PLEC: variants seen among roughly 807,000 people sequenced by gnomAD.
PLEC encodes hemidesmosomal protein 1.
A neutral mutation model predicts 392.8 loss-of-function variants in PLEC; 216 were observed. That is an observed-to-expected ratio of 0.55 (90% CI 0.49 to 0.62). PLEC has a LOEUF of 0.62. Ranked by LOEUF, PLEC falls within the 20% of genes least tolerant of loss-of-function variation. PLEC has a pLI of 0.00. For synonymous variants in PLEC, 3,621 were observed against 2,980.6 expected (o/e 1.21, Z -7.00); for missense variants, 6,863 against 6,563.4 (o/e 1.05, Z -1.58).
chr8:143,964,597 G>A (rs1371880545), intron 1 of PLEC, among the ~76,000 whole-genome samples: 1 of 152,174 alleles, frequency 6.6e-6, no homozygotes, highest in Non-Finnish European at 1.5e-5. Flanking sequence ...GTGGCCTCCA[G>A]AACCGTAAGA....
chr8:143,948,504 C>T (rs1203959535), intron 1 of PLEC, among the ~76,000 whole-genome samples: 1 of 152,374 alleles, frequency 6.6e-6, no homozygotes, highest in East Asian at 1.9e-4. Context: ...CTTCCCCTAG[C>T]TTCCCATCCC....
rs1554673899 is a variant in PLEC at position 143,918,082 on chromosome 8, C to T, written c.11739G>A (p.Glu3913=). 3 of 1,597,120 alleles carry T rather than the reference C, an allele frequency of 1.9e-6. No homozygotes were observed. The East Asian group carries it at 6.8e-5, about 36-fold the overall frequency. ...TGACCTCCTCGATGGAGGTCAGGCCCTCCCGCAGCTGCAGCGCCGTGGCCT... is the reference window on the plus strand; with the variant it reads ...TGACCTCCTCGATGGAGGTCAGGCCTTCCCGCAGCTGCAGCGCCGTGGCCT... ...MDEATALQLR[E]GLTSIEEVTK... The change falls in exon 32 of 32, where the codon GAG becomes GAA. Residue 3913 remains glutamate (E), a synonymous_variant. Transcript: ENST00000345136.
chr8:143,930,481 C>G lies in PLEC; in HGVS notation c.2360G>C (p.Arg787Pro), dbSNP rs1319068044. The G allele has an allele frequency of 6.3e-7, 1 of 1,593,828 alleles. No individual in the cohort carries two copies. The highest frequency in any genetic ancestry group is 8.5e-7 in the Non-Finnish European group (1 of 1,170,772). The change falls in exon 20 of 32, where the codon CGG (arginine) becomes CCG (proline). Residue 787 changes from arginine to proline, a missense_variant. Arg to Pro is a moderately radical substitution (Grantham distance 103). Coordinates refer to ENST00000345136, the MANE Select transcript of PLEC (RefSeq NM_201384.3). Reference sequence around the variant, plus strand: ...CTTCAGCTGCACGACGGCCTTGGCCCGCTTGGCCAGGCCTGAGAGGTGGCC... The same window carrying G: ...CTTCAGCTGCACGACGGCCTTGGCCGGCTTGGCCAGGCCTGAGAGGTGGCC... ...YKGHLSGLAK[R>P]AKAVVQLKPR...
chr8:143,932,996 G>A lies in PLEC; in HGVS notation c.1534C>T (p.Gln512Ter), dbSNP rs1554718597. ...QVAQVTLQSV[Q>*]RRPELEDSTL... ...GAGTCCTCCAGCTCGGGGCGCCTCT[G>A]CACACTCTGCAGAGTCACCTGGGCC... The change falls in exon 14 of 32, where the codon CAG (glutamine) becomes TAG (stop). Residue 512 changes from glutamine (Q) to a stop codon, truncating the protein, a stop_gained. Transcript: ENST00000345136. LOFTEE classifies it high-confidence loss of function. 2 of 1,608,906 alleles carry A rather than the reference G, an allele frequency of 1.2e-6. No individual in the cohort carries two copies. The highest frequency in any genetic ancestry group is 3.4e-5 in the Admixed American group (2 of 59,630).
intron 1 of PLEC, among the ~76,000 whole-genome samples, chr8:143,972,799 G>A (rs778169506): frequency 1.1e-4 from 16 of 152,340 alleles, no homozygotes; most frequent in Non-Finnish European, 2.4e-4. Context: ...ACTAGGGCAA[G>A]GGGGTCTGCC....
upstream of PLEC, among the ~76,000 whole-genome samples, chr8:143,940,792 C>CGAGAG: frequency 1.3e-5 from 2 of 152,310 alleles, no homozygotes; most frequent in South Asian, 4.1e-4. Context: ...GTGCCCAAAC[C>CGAGAG]CCTCAGAGGT....
At chr8:143,972,637 C>CGACT (rs1554744671) in intron 1 of PLEC, among the ~76,000 whole-genome samples, 1 of 152,248 alleles carries the variant, frequency 6.6e-6, no homozygotes, top group African/African-American at 2.4e-5. Flanking sequence ...GCAGCTCAGT[C>CGACT]CCTTGCTCCT....
At position 143,935,100 on chromosome 8, in the gene PLEC, G is replaced by A; in HGVS notation, c.736C>T (p.Pro246Ser). ...LDPEDVDVPQ[P>S]DEKSIITYVS... ...TAGGTGATGATGGACTTCTCGTCGG[G>A]CTGAGGGACATCCACGTCTGCAGGG... Residue 246 changes from proline (P) to serine (S), a missense_variant, in exon 8 of 32, where the codon CCC becomes TCC. Pro to Ser is a moderately conservative substitution (Grantham distance 74). Coordinates refer to ENST00000345136, the MANE Select transcript of PLEC (RefSeq NM_201384.3). The A allele has an allele frequency of 1.9e-6, 3 of 1,612,974 alleles. No homozygotes were observed. Among genetic ancestry groups the A allele is most frequent in the Non-Finnish European group, 2.5e-6 (3 of 1,179,942 alleles).
Position 143,925,007 on chromosome 8 carries a change from GCCT to G in PLEC, c.4919_4921del (p.Glu1640del). On this transcript the variant is annotated inframe_deletion, in exon 31 of 32. Coordinates refer to ENST00000345136, the MANE Select transcript of PLEC (RefSeq NM_201384.3). ...CTCCGCCTGCAGCCGCAGCCGTAGC[GCCT>G]CGTTGGCCTTGAGCTGCCAGCGCTC... The G allele has an allele frequency of 1.3e-6, 2 of 1,570,910 alleles. No individual in the cohort carries two copies. Among genetic ancestry groups the G allele is most frequent in the Non-Finnish European group, 8.6e-7 (1 of 1,167,164 alleles).
intron 1 of PLEC, chr8:143,946,417 C>A (rs1554732250): frequency 7.8e-7 from 1 of 1,286,348 alleles, no homozygotes; most frequent in Non-Finnish European, 1.0e-6. Flanking sequence ...CCAGGCTGCT[C>A]CGAGAGCCGG....
chr8:143,941,404 C>A (rs553966394), upstream of PLEC, among the ~76,000 whole-genome samples: 1 of 151,904 alleles, frequency 6.6e-6, no homozygotes, highest in African/African-American at 2.4e-5. Flanking sequence ...CCAAAGATGC[C>A]GCCCTGGGCC....
chr8:143,970,362 G>T (rs1439331349), intron 1 of PLEC, among the ~76,000 whole-genome samples: 6 of 152,006 alleles, frequency 3.9e-5, no homozygotes, highest in African/African-American at 1.5e-4. Flanking sequence ...TCACACCTCT[G>T]GGTTCAGGCT....
intron 1 of PLEC, among the ~76,000 whole-genome samples, chr8:143,946,129 C>T (rs1554732057): frequency 6.6e-6 from 1 of 152,222 alleles, no homozygotes; most frequent in Non-Finnish European, 1.5e-5. Flanking sequence ...AGGCTGGCAG[C>T]GGGCAGTTCT....
In PLEC at chr8:143,934,688, G is replaced by A; in HGVS notation, c.988C>T (p.Pro330Ser). The A allele has an allele frequency of 1.2e-6, 2 of 1,612,988 alleles. No individual in the cohort carries two copies. Among genetic ancestry groups the A allele is most frequent in the South Asian group, 1.1e-5 (1 of 91,088 alleles). Residue 330 changes from proline (P) to serine (S), a missense_variant, in exon 10 of 32, where the codon CCA (proline) becomes TCA (serine). By Grantham distance (74) the Pro-to-Ser change is moderately conservative. Transcript: ENST00000345136. ...CTGTTCTTGTCGGCCTCCTTGGCTG[G>A]TAGCTCCATCTCCTTAAACTTCAGG... ...QFLKFKEMEL[P>S]AKEADKNRSK... is the part of the protein sequence containing the mutation.
Position 143,922,091 on chromosome 8 carries a change from T to C in PLEC, c.7730A>G (p.Glu2577Gly), listed in dbSNP as rs549616678. ...RRKQEELQQL[E>G]QQRRQQEELL... is the part of the protein sequence containing the mutation. The stretch of plus-strand genomic sequence containing the variant: ...CTCCTCCTGCTGCCGCCGCTGCTGC[T>C]CCAGCTGCTGCAGCTCCTCCTGCTT... Residue 2577 changes from glutamate to glycine, a missense_variant, in exon 32 of 32, where the codon GAG (glutamate) becomes GGG (glycine). Physicochemically the swap from Glu to Gly is moderately conservative, Grantham distance 98. Transcript: ENST00000345136. 29 of 1,568,868 alleles carry C rather than the reference T, an allele frequency of 1.8e-5. No individual in the cohort carries two copies. In the African/African-American group the frequency reaches 3.4e-4, roughly 18 times the overall value.
At chr8:143,956,253 GA>G (rs1481677858), upstream of PLEC, among the ~76,000 whole-genome samples, 5 of 152,148 alleles carry the variant, frequency 3.3e-5, no homozygotes, top group African/African-American at 1.2e-4. Flanking sequence ...CGGCCAGGGA[GA>G]TTTTTTTAAA....
At chr8:143,928,808 G>A (rs1177758302) in intron 25 of PLEC, among the ~76,000 whole-genome samples, 2 of 152,202 alleles carry the variant, frequency 1.3e-5, no homozygotes, top group African/African-American at 4.8e-5. Flanking sequence ...CACTGAAAGT[G>A]GATCCACAGC....
Position 143,925,812 on chromosome 8 carries a change from G to T in PLEC, c.4117C>A (p.Arg1373=). ...TGGGCGTGCGCCTCGGCCAGCTGCCGCTGCTTCTCCAGCGCGGCCTCCACC... is the reference window on the plus strand; with the variant it reads ...TGGGCGTGCGCCTCGGCCAGCTGCCTCTGCTTCTCCAGCGCGGCCTCCACC... ...AEVEAALEKQ[R]QLAEAHAQAK... The change falls in exon 31 of 32, where the codon CGG becomes AGG. Residue 1373 remains arginine (R), a synonymous_variant. Transcript: ENST00000345136. 1 of 1,566,768 alleles carries T rather than the reference G, an allele frequency of 6.4e-7. No homozygotes were observed. The highest frequency in any genetic ancestry group is 8.6e-7 in the Non-Finnish European group (1 of 1,163,900).
intron 3 of PLEC, chr8:143,937,558 G>T: frequency 2.0e-6 from 1 of 489,498 alleles, no homozygotes; most frequent in South Asian, 2.0e-5. Flanking sequence ...GGCGGTGGCA[G>T]CCACAGCAGC....
Sources: gnomAD v4.1 joint callset for allele counts (sites outside exome capture counted in the v4.1 genomes callset) on GRCh38, gnomAD v4.1.1 for gene constraint, MANE v1.5 for transcripts, NCBI Gene and HGNC (gene_info 2026-07-23, HGNC 2026-07-21) for gene names.